SYNPR: variants seen among roughly 807,000 people sequenced by gnomAD.
SYNPR encodes synaptoporin.
SYNPR carries 23 observed loss-of-function variants against 32.9 expected under a neutral mutation model. The ratio of observed to expected loss-of-function variants is 0.70; its 90% CI spans 0.50 to 0.99. The LOEUF is 0.99. Among genes scored for constraint, SYNPR ranks in the 50% least tolerant of loss-of-function variants. The pLI is 0.00. For synonymous variants in SYNPR, 146 were observed against 135.9 expected (o/e 1.07, Z -0.52); for missense variants, 318 against 349.3 (o/e 0.91, Z 0.71).
At chr3:63,493,191 C>A (rs1701288407) in intron 3 of SYNPR, among the ~76,000 whole-genome samples, 1 of 152,066 alleles carries the variant, frequency 6.6e-6, no homozygotes, top group Non-Finnish European at 1.5e-5. Context: ...TTCCCCAACC[C>A]CAGCCCATCC....
chr3:63,528,934 T>C (rs1478549172), intron 3 of SYNPR, among the ~76,000 whole-genome samples: 1 of 152,196 alleles, frequency 6.6e-6, no homozygotes, highest in African/African-American at 2.4e-5. Flanking sequence ...TCCATAGAAT[T>C]GACACCCAAA....
In SYNPR at chr3:63,540,920, T is replaced by TC. The variant is rs78477531; in HGVS notation, c.210-15614dup. ...CACACACACACACACACACACACAA[T>TC]CCCCCCCCCAACACACACACACACA... On this transcript the variant is annotated intron_variant, in intron 3 of 5. Transcript: ENST00000478300. 1.2e-3 allele frequency among the ~76,000 whole-genome samples: 137 copies of TC among 109,932 alleles called. 1 individual carries two copies. The highest frequency in any genetic ancestry group is 9.9e-3 in the South Asian group (31 of 3,128). 72.1% of individuals were successfully genotyped at this position (109,932 alleles called of 152,430 possible).
At chr3:63,205,569 G>A in the SYNPR span, among the ~76,000 whole-genome samples, 632 of 152,330 alleles carry the variant, frequency 4.1e-3, 2 homozygotes, top group Non-Finnish European at 6.1e-3. Flanking sequence ...GCCAAACAAT[G>A]AAATCATCGT....
chr3:63,260,935 C>T (rs563765641), intron 2 of SYNPR, among the ~76,000 whole-genome samples: 2 of 151,778 alleles, frequency 1.3e-5, no homozygotes, highest in African/African-American at 4.8e-5. Context: ...CAAAAGAAGA[C>T]ATTTATGCAG....
chr3:63,314,818 G>T (rs1300256140), intron 2 of SYNPR, among the ~76,000 whole-genome samples: 1 of 151,970 alleles, frequency 6.6e-6, no homozygotes, highest in Non-Finnish European at 1.5e-5. Flanking sequence ...GTGTAGAAGG[G>T]TTTTTCCAAT....
intron 2 of SYNPR, among the ~76,000 whole-genome samples, chr3:63,328,915 T>C (rs1049107155): frequency 2.0e-5 from 3 of 152,182 alleles, no homozygotes; most frequent in Admixed American, 6.5e-5. Flanking sequence ...CCAGCAGTTA[T>C]TGAAAAAGCT....
At chr3:63,414,534 C>A (rs1227698623) in intron 2 of SYNPR, among the ~76,000 whole-genome samples, 3 of 152,164 alleles carry the variant, frequency 2.0e-5, no homozygotes, top group Non-Finnish European at 4.4e-5. Flanking sequence ...TTCATTATTG[C>A]AATTCAGAAA....
At chr3:63,460,572 CAAAAAAAAAA>C (rs11390803) in intron 2 of SYNPR, among the ~76,000 whole-genome samples, 2 of 45,714 alleles carry the variant, frequency 4.4e-5, no homozygotes, top group East Asian at 7.2e-4. Flanking sequence ...ATTGGTAGAC[CAAAAAAAAAA>C]AAAAAAAAAA....
chr3:63,447,108 CT>C (rs892297412), intron 2 of SYNPR, among the ~76,000 whole-genome samples: 6 of 152,036 alleles, frequency 3.9e-5, no homozygotes, highest in Non-Finnish European at 8.8e-5. Context: ...AATCAATTTG[CT>C]TTTTCCAACA....
At chr3:63,325,280 T>C (rs879913484) in intron 2 of SYNPR, among the ~76,000 whole-genome samples, 2 of 152,098 alleles carry the variant, frequency 1.3e-5, no homozygotes, top group Non-Finnish European at 2.9e-5. Context: ...TTTGCTCACA[T>C]GTAATAGGTA....
intron 2 of SYNPR, among the ~76,000 whole-genome samples, chr3:63,470,523 G>A (rs1199096685): frequency 6.6e-6 from 1 of 152,178 alleles, no homozygotes; most frequent in South Asian, 2.1e-4. Flanking sequence ...TAAAGGCACA[G>A]GGCTGTCTAG....
At chr3:63,341,055 C>A (rs1259648301) in intron 2 of SYNPR, among the ~76,000 whole-genome samples, 1 of 152,148 alleles carries the variant, frequency 6.6e-6, no homozygotes, top group Non-Finnish European at 1.5e-5. Flanking sequence ...CCTTCTTCCC[C>A]ACTAACTCCT....
At chr3:63,339,618 C>T (rs11720998) in intron 2 of SYNPR, among the ~76,000 whole-genome samples, 31,952 of 151,114 alleles carry the variant, frequency 0.21, 3,847 homozygotes, top group South Asian at 0.39. Context: ...GTATTCACCA[C>T]TATAATCAAG....
intron 3 of SYNPR, among the ~76,000 whole-genome samples, chr3:63,504,315 C>T (rs1191072729): frequency 2.0e-5 from 3 of 152,224 alleles, no homozygotes; most frequent in Admixed American, 2.0e-4. Flanking sequence ...CTGTCTGAAG[C>T]TCGCAAAATA....
chr3:63,279,300 G>A (rs575519176), intron 2 of SYNPR, among the ~76,000 whole-genome samples: 60 of 152,270 alleles, frequency 3.9e-4, no homozygotes, highest in African/African-American at 1.4e-3. Flanking sequence ...TATAAACGGC[G>A]GCGGGTAGAG....
At chr3:63,248,312 T>C (rs1007114618) in intron 1 of SYNPR, among the ~76,000 whole-genome samples, 4 of 152,124 alleles carry the variant, frequency 2.6e-5, no homozygotes, top group African/African-American at 9.7e-5. Context: ...CTCGCAGTAT[T>C]GCCTGGCACT....
rs373065414 is a variant in SYNPR, at chr3:63,447,148, C to T, written c.85-33684C>T. The stretch of plus-strand genomic sequence containing the variant: ...TTTATGAGAGTTCTAAATATACTAA[C>T]GGCCATCAAACGAAAACTTTTACTT... On this transcript the variant is annotated intron_variant, in intron 2 of 5. Transcript: ENST00000478300. Among the ~76,000 whole-genome samples the T allele has an allele frequency of 5.6e-4, 86 of 152,236 alleles. 2 individuals are homozygous for T. The South Asian group carries it at 0.016, about 29-fold the overall frequency.
intron 3 of SYNPR, among the ~76,000 whole-genome samples, chr3:63,555,826 G>C (rs993415978): frequency 6.6e-6 from 1 of 151,966 alleles, no homozygotes; most frequent in East Asian, 1.9e-4. Flanking sequence ...TGGTCAGTGG[G>C]ACTGAAAAAA....
At chr3:63,374,235 G>A (rs955246910) in intron 2 of SYNPR, among the ~76,000 whole-genome samples, 3 of 152,040 alleles carry the variant, frequency 2.0e-5, no homozygotes, top group Non-Finnish European at 4.4e-5. Flanking sequence ...ATTTGTTGAG[G>A]GTTTTTTAAT....
Sources: allele counts gnomAD v4.1 joint callset (sites outside exome capture counted in the v4.1 genomes callset), GRCh38; gene constraint gnomAD v4.1.1; transcripts MANE v1.5; gene names NCBI Gene and HGNC (gene_info 2026-07-23, HGNC 2026-07-21).